CNOT6: variants seen among roughly 807,000 people sequenced by gnomAD.
The protein encoded by CNOT6 is CCR4-NOT transcription complex subunit 6, also known as carbon catabolite repression 4 protein.
A neutral mutation model predicts 61.2 loss-of-function variants in CNOT6; 12 were observed. The ratio of observed to expected loss-of-function variants is 0.20; its 90% CI spans 0.13 to 0.32. The LOEUF is 0.32. Ranked by LOEUF, CNOT6 falls within the 10% of genes least tolerant of loss-of-function variation. CNOT6 has a pLI of 1.00. For synonymous variants in CNOT6, 225 were observed against 240.6 expected (o/e 0.94, Z 0.60); for missense variants, 405 against 663.9 (o/e 0.61, Z 4.28).
At chr5:180,568,307 C>T (rs1392163355) in intron 9 of CNOT6, among the ~76,000 whole-genome samples, 1 of 150,216 alleles carries the variant, frequency 6.7e-6, no homozygotes, top group South Asian at 2.1e-4. Flanking sequence ...AATAACTGCT[C>T]AGGGGTAAGA....
At chr5:180,561,547 A>C (rs938944583) in intron 4 of CNOT6, among the ~76,000 whole-genome samples, 1 of 152,002 alleles carries the variant, frequency 6.6e-6, no homozygotes, top group East Asian at 1.9e-4. Context: ...AGCTATTTTC[A>C]TTTGAAACTG....
At chr5:180,506,923 T>G (rs1327697573) in intron 1 of CNOT6, among the ~76,000 whole-genome samples, 1 of 152,200 alleles carries the variant, frequency 6.6e-6, no homozygotes, top group Non-Finnish European at 1.5e-5. Flanking sequence ...GAAGCCTGTG[T>G]TACAGAATGT....
At chr5:180,507,511 A>G (rs965415893) in intron 1 of CNOT6, among the ~76,000 whole-genome samples, 1 of 152,194 alleles carries the variant, frequency 6.6e-6, no homozygotes, top group East Asian at 1.9e-4. Flanking sequence ...CTGAGTTAGG[A>G]GAATCACTTG....
intron 2 of CNOT6, among the ~76,000 whole-genome samples, chr5:180,536,002 T>G (rs1344559207): frequency 2.4e-5 from 3 of 124,402 alleles, no homozygotes; most frequent in East Asian, 4.7e-4. Context: ...TTTTTTTTTT[T>G]TTTTTTTTTT....
Position 180,538,686 on chromosome 5 carries a change from G to GTATATATATATGTATATA in CNOT6, c.112+9309_112+9310insGTATATATATATATATAT, listed in dbSNP as rs1554100066. Among the ~76,000 whole-genome samples the GTATATATATATGTATATA allele has an allele frequency of 2.1e-4, 18 of 85,132 alleles. No individual in the cohort carries two copies. In the East Asian group the frequency reaches 9.0e-3, roughly 42 times the overall value. 55.8% of individuals were successfully genotyped at this position (85,132 alleles called of 152,430 possible). On this transcript the variant is annotated intron_variant, in intron 2 of 11. Transcript: ENST00000261951. The stretch of plus-strand genomic sequence containing the variant: ...GAGCGAGACTCTGTCTGAGAAAAAG[G>GTATATATATATGTATATA]TATATATATATATATATATATATAT...
chr5:180,543,498 A>G (rs1424558011), intron 2 of CNOT6, among the ~76,000 whole-genome samples: 1 of 152,246 alleles, frequency 6.6e-6, no homozygotes, highest in South Asian at 2.1e-4. Flanking sequence ...GGAATGTTAC[A>G]TGAATGAAAC....
chr5:180,535,448 G>A (rs553496614), intron 2 of CNOT6, among the ~76,000 whole-genome samples: 1 of 152,236 alleles, frequency 6.6e-6, no homozygotes, highest in African/African-American at 2.4e-5. Context: ...TTAGGATAAC[G>A]GCCTCCAGTT....
At position 180,575,588 on chromosome 5, in the gene CNOT6, CT is replaced by C. The variant is rs1333002712; in HGVS notation, c.*1389del. Reference sequence around the variant, plus strand: ...ATTCTTCAGATCATTTTTAAAATGACTAAGTCATTTTAGTATGTCAAGCAAG... The same window carrying C: ...ATTCTTCAGATCATTTTTAAAATGACAAGTCATTTTAGTATGTCAAGCAAG... On this transcript the variant is annotated 3_prime_UTR_variant, in exon 12 of 12. Transcript: ENST00000261951. 2 of 152,430 alleles carry C rather than the reference CT, an allele frequency of 1.3e-5. No homozygotes were observed. Among genetic ancestry groups the C allele is most frequent in the East Asian group, 3.9e-4 (2 of 5,186 alleles). The allele number at this position is 152,430 out of a possible 1,614,324, so 9.4% of individuals were successfully genotyped here.
At chr5:180,548,366 G>T (rs1409084525) in intron 2 of CNOT6, among the ~76,000 whole-genome samples, 2 of 152,140 alleles carry the variant, frequency 1.3e-5, no homozygotes, top group Non-Finnish European at 2.9e-5. Flanking sequence ...GGCTCAGGTA[G>T]TTTCTCACAT....
In CNOT6 at chr5:180,567,873, T is replaced by C. The variant is rs1182325632; in HGVS notation, c.897T>C (p.Thr299=). ...TEKFTLVQKH[T]VEFNQLAMAN... ...GATTTACTTTGGTTCAGAAACACAC[T>C]GTTGAATTTAATCAGCTAGCCATGG... Residue 299 remains threonine (T), a synonymous_variant, in exon 9 of 12, where the codon ACT becomes ACC. Coordinates refer to ENST00000261951, the MANE Select transcript of CNOT6 (RefSeq NM_001370472.1). 1 of 1,614,056 alleles carries C rather than the reference T, an allele frequency of 6.2e-7. No individual in the cohort carries two copies. Among genetic ancestry groups the C allele is most frequent in the Non-Finnish European group, 8.5e-7 (1 of 1,180,030 alleles).
At chr5:180,543,382 A>C (rs974145373) in intron 2 of CNOT6, among the ~76,000 whole-genome samples, 30 of 152,216 alleles carry the variant, frequency 2.0e-4, no homozygotes, top group African/African-American at 7.0e-4. Context: ...TTTAAACAAA[A>C]ATGAAGTACC....
intron 1 of CNOT6, among the ~76,000 whole-genome samples, chr5:180,513,518 C>T (rs909649207): frequency 2.6e-5 from 4 of 151,412 alleles, no homozygotes; most frequent in East Asian, 3.9e-4. Flanking sequence ...GGGATACAGT[C>T]GCGTGCCACC....
chr5:180,533,118 C>G (rs995522681), intron 2 of CNOT6, among the ~76,000 whole-genome samples: 1 of 152,134 alleles, frequency 6.6e-6, no homozygotes, highest in African/African-American at 2.4e-5. Context: ...GTGTAGCATT[C>G]CTTCTTCTAA....
intron 1 of CNOT6, among the ~76,000 whole-genome samples, chr5:180,502,150 T>C (rs1756893081): frequency 6.6e-6 from 1 of 152,204 alleles, no homozygotes; most frequent in Non-Finnish European, 1.5e-5. Flanking sequence ...TCCAAAACTT[T>C]GGAAATAAAT....
intron 1 of CNOT6, among the ~76,000 whole-genome samples, chr5:180,506,886 A>G (rs186211985): frequency 6.6e-6 from 1 of 152,312 alleles, no homozygotes; most frequent in African/African-American, 2.4e-5. Context: ...CTGGAGTTAT[A>G]AAAATATTTA....
intron 2 of CNOT6, among the ~76,000 whole-genome samples, chr5:180,539,506 A>T (rs2127732436): frequency 7.9e-6 from 1 of 126,276 alleles, no homozygotes; most frequent in Admixed American, 8.1e-5. Flanking sequence ...ATAGCAACTT[A>T]TTAAAATAAT....
Position 180,576,066 on chromosome 5 carries a change from A to G in CNOT6, c.*1866A>G, listed in dbSNP as rs1384830535. On this transcript the variant is annotated 3_prime_UTR_variant, in exon 12 of 12. Transcript: ENST00000261951. ...TTTAAGTTGTGCTGACACCAAACAC[A>G]TCCAGTTTATAATCAGTACATTGGA... 1 of 152,574 alleles carries G rather than the reference A, an allele frequency of 6.6e-6. No individual in the cohort carries two copies. Among genetic ancestry groups the G allele is most frequent in the Non-Finnish European group, 1.5e-5 (1 of 68,026 alleles). 9.5% of individuals were successfully genotyped at this position (152,574 alleles called of 1,614,324 possible). A position where few individuals can be genotyped will look rare whatever the true frequency, so the allele number is the denominator to read the frequency against.
At chr5:180,568,852 G>A (rs115627670) in intron 9 of CNOT6, among the ~76,000 whole-genome samples, 1,973 of 152,304 alleles carry the variant, frequency 0.013, 46 homozygotes, top group African/African-American at 0.044. Flanking sequence ...CAGGGAGACA[G>A]AATTTTAAAA....
chr5:180,506,192 G>C (rs1161414473), intron 1 of CNOT6, among the ~76,000 whole-genome samples: 1 of 152,172 alleles, frequency 6.6e-6, no homozygotes, highest in Non-Finnish European at 1.5e-5. Flanking sequence ...TGCATAAACT[G>C]TGGGTCTCAG....
Sources: gnomAD v4.1 joint callset for allele counts (sites outside exome capture counted in the v4.1 genomes callset) on GRCh38, gnomAD v4.1.1 for gene constraint, MANE v1.5 for transcripts, NCBI Gene and HGNC (gene_info 2026-07-23, HGNC 2026-07-21) for gene names.